Variants in UXS1 observed in about 807,000 individuals in gnomAD.
UXS1 encodes UDP-glucuronic acid decarboxylase 1.
Under a neutral mutation model 62.6 loss-of-function variants are expected in UXS1, and 33 were observed. The observed-to-expected ratio is 0.53, with a 90% CI of 0.40 to 0.70. The LOEUF (loss-of-function observed/expected upper bound fraction) is 0.70. Ranked by LOEUF, UXS1 falls within the 30% of genes least tolerant of loss-of-function variation. UXS1 has a pLI of 0.00. For synonymous variants in UXS1, 213 were observed against 206.8 expected (o/e 1.03, Z -0.26); for missense variants, 434 against 556.3 (o/e 0.78, Z 2.21).
At chr2:106,174,484 G>A (rs1316593297) in intron 1 of UXS1, among the ~76,000 whole-genome samples, 1 of 152,236 alleles carries the variant, frequency 6.6e-6, no homozygotes, top group Non-Finnish European at 1.5e-5. Flanking sequence ...TGGGGCAGAG[G>A]AGGATGGTCT....
rs1390573674 is a variant in UXS1 at position 106,098,740 on chromosome 2, C to A, written c.1018G>T (p.Ala340Ser). The A allele has an allele frequency of 2.5e-6, 4 of 1,612,044 alleles. No individual in the cohort carries two copies. Among genetic ancestry groups the A allele is most frequent in the South Asian group, 1.1e-5 (1 of 90,670 alleles). Reference sequence around the variant, plus strand: ...CCAACAAGGTTTTTAATTAACTGAGCAAATTCTAGGATTGTGTGTTCTTCT... The same window carrying A: ...CCAACAAGGTTTTTAATTAACTGAGAAAATTCTAGGATTGTGTGTTCTTCT... ...NPEEHTILEF[A>S]QLIKNLVGSG... The change falls in exon 13 of 15, where the codon GCT becomes TCT. Residue 340 changes from alanine to serine, a missense_variant. Coordinates refer to ENST00000283148, the MANE Select transcript of UXS1 (RefSeq NM_001253875.2).
intron 12 of UXS1, chr2:106,100,838 G>A: frequency 1.7e-6 from 1 of 587,296 alleles, no homozygotes; most frequent in Admixed American, 3.1e-5. Context: ...GAAGGTGGAG[G>A]GACTGATTAC....
intron 1 of UXS1, among the ~76,000 whole-genome samples, chr2:106,190,580 C>T (rs938484015): frequency 6.6e-6 from 1 of 151,966 alleles, no homozygotes; most frequent in Non-Finnish European, 1.5e-5. Context: ...ACCGTCTCTA[C>T]TAAAAATACA....
At chr2:106,187,796 C>T (rs1358891329) in intron 1 of UXS1, among the ~76,000 whole-genome samples, 3 of 149,864 alleles carry the variant, frequency 2.0e-5, no homozygotes, top group Non-Finnish European at 4.4e-5. Flanking sequence ...GGCTGGAGTG[C>T]AATGGCACGA....
intron 10 of UXS1, among the ~76,000 whole-genome samples, chr2:106,106,315 G>T (rs1379281465): frequency 1.4e-5 from 2 of 141,402 alleles, no homozygotes; most frequent in African/African-American, 5.3e-5. Context: ...AGTGAGCCGA[G>T]ATCGTGCCAT....
chr2:106,097,697 A>ATGC (rs1484492812), intron 13 of UXS1: 1 of 193,198 alleles, frequency 5.2e-6, no homozygotes, highest in Non-Finnish European at 1.1e-5. Context: ...ACATCTGATG[A>ATGC]TGCTGCTGCT....
intron 10 of UXS1, among the ~76,000 whole-genome samples, chr2:106,105,252 G>C (rs1464132789): frequency 6.6e-6 from 1 of 152,160 alleles, no homozygotes; most frequent in Non-Finnish European, 1.5e-5. Flanking sequence ...GCAGAGCTGG[G>C]GATGCCGCCC....
chr2:106,141,468 T>G lies in UXS1; in HGVS notation c.472+3722A>C, dbSNP rs528923697. On this transcript the variant is annotated intron_variant, in intron 6 of 14. Transcript: ENST00000283148. ...TATCTTTTCCATTTTTATGTTTATTTATTTATTTTTGAGACAGGGTCTTAC... is the reference window on the plus strand; with the variant it reads ...TATCTTTTCCATTTTTATGTTTATTGATTTATTTTTGAGACAGGGTCTTAC... Among the ~76,000 whole-genome samples, 59 of 152,296 alleles carry G rather than the reference T, an allele frequency of 3.9e-4. No homozygotes were observed. In the South Asian group the frequency reaches 0.011, roughly 28 times the overall value.
At chr2:106,118,266 T>TC (rs1452774265) in intron 9 of UXS1, among the ~76,000 whole-genome samples, 1 of 151,290 alleles carries the variant, frequency 6.6e-6, no homozygotes, top group Non-Finnish European at 1.5e-5. Flanking sequence ...ATATACCAAC[T>TC]CCGACTTTTT....
intron 3 of UXS1, among the ~76,000 whole-genome samples, chr2:106,164,160 TG>T (rs1330574188): frequency 1.3e-5 from 2 of 152,144 alleles, no homozygotes; most frequent in Non-Finnish European, 2.9e-5. Flanking sequence ...GTAGACACTG[TG>T]GACTCAGGCA....
At chr2:106,167,038 CACA>C (rs1212286405) in intron 1 of UXS1, among the ~76,000 whole-genome samples, 1 of 152,166 alleles carries the variant, frequency 6.6e-6, no homozygotes, top group Non-Finnish European at 1.5e-5. Context: ...CAGCACTTAC[CACA>C]TCTCCCTTCT....
intron 6 of UXS1, among the ~76,000 whole-genome samples, chr2:106,136,157 A>G (rs1680623452): frequency 2.4e-5 from 1 of 41,358 alleles, no homozygotes. Flanking sequence ...AAACACATGA[A>G]AAAATGCTCA....
intron 6 of UXS1, among the ~76,000 whole-genome samples, chr2:106,134,241 A>T (rs1680557579): frequency 1.7e-5 from 2 of 119,880 alleles, no homozygotes; most frequent in Admixed American, 9.0e-5. Context: ...GACCAATAAC[A>T]GGTTCTGAAA....
chr2:106,094,073 T>TG lies in UXS1; in HGVS notation c.1230dup (p.Lys411GlnfsTer47), dbSNP rs781384322. ...TTCTTTATTCTGGCAGGCTTTGGTT[T>TG]GGGGATGTACTGATTATTTGCCTGG... On this transcript the variant is annotated frameshift_variant, in exon 15 of 15. Coordinates refer to ENST00000283148, the MANE Select transcript of UXS1 (RefSeq NM_001253875.2). LOFTEE classifies it high-confidence loss of function. 59 of 1,612,778 alleles carry TG rather than the reference T, an allele frequency of 3.7e-5. No homozygotes were observed. Among genetic ancestry groups the TG allele is most frequent in the Non-Finnish European group, 4.9e-5 (58 of 1,179,656 alleles).
chr2:106,103,898 C>A (rs1183589626), intron 11 of UXS1, among the ~76,000 whole-genome samples: 2 of 152,218 alleles, frequency 1.3e-5, no homozygotes, highest in Non-Finnish European at 1.5e-5. Context: ...AGGACCCCTA[C>A]CTAAGGGTCC....
At chr2:106,114,713 T>TTGCTG (rs1253573128) in intron 9 of UXS1, among the ~76,000 whole-genome samples, 5 of 152,214 alleles carry the variant, frequency 3.3e-5, no homozygotes, top group Non-Finnish European at 7.3e-5. Context: ...ACAGGCTTGC[T>TTGCTG]TGCTGTGGCT....
intron 1 of UXS1, among the ~76,000 whole-genome samples, chr2:106,170,462 A>C (rs1573558673): frequency 6.6e-6 from 1 of 152,232 alleles, no homozygotes; most frequent in Non-Finnish European, 1.5e-5. Flanking sequence ...TCCAAGCACT[A>C]AAATTCGTTG....
intron 1 of UXS1, among the ~76,000 whole-genome samples, chr2:106,179,386 C>A (rs553384965): frequency 2.8e-4 from 42 of 152,282 alleles, no homozygotes; most frequent in African/African-American, 9.6e-4. Context: ...TGCGGCCTCA[C>A]CCCCTCTCAG....
At position 106,093,670 on chromosome 2, in the gene UXS1, T is replaced by G. The variant is rs992844949; in HGVS notation, c.*356A>C. The G allele has an allele frequency of 5.3e-6, 1 of 187,110 alleles. No homozygotes were observed. The highest frequency in any genetic ancestry group is 1.1e-5 in the Non-Finnish European group (1 of 91,706). 11.6% of individuals were successfully genotyped at this position (187,110 alleles called of 1,614,324 possible). A position where few individuals can be genotyped will look rare whatever the true frequency, so the allele number is the denominator to read the frequency against. ...CCACTTTCATAAATAAAATCGGCAT[T>G]TTTTGTCCCGCTTAATGTTCCTTTT... is the stretch of plus-strand genomic sequence containing the variant. On this transcript the variant is annotated 3_prime_UTR_variant, in exon 15 of 15. Transcript: ENST00000283148.
Sources: gnomAD v4.1 joint callset for allele counts (sites outside exome capture counted in the v4.1 genomes callset) on GRCh38, gnomAD v4.1.1 for gene constraint, MANE v1.5 for transcripts, NCBI Gene and HGNC (gene_info 2026-07-23, HGNC 2026-07-21) for gene names.